The following RAB3GAP1 variants were observed in gnomAD, a reference collection of about 807,000 sequenced individuals.
RAB3GAP1 encodes rab3 GTPase-activating protein catalytic subunit.
A neutral mutation model predicts 130.7 loss-of-function variants in RAB3GAP1; 86 were observed. The ratio of observed to expected loss-of-function variants is 0.66; its 90% CI spans 0.55 to 0.79. The LOEUF (loss-of-function observed/expected upper bound fraction) is 0.79. Among genes scored for constraint, RAB3GAP1 ranks in the 30% least tolerant of loss-of-function variants. The pLI, the probability that RAB3GAP1 is intolerant of heterozygous loss-of-function variation, is 0.00. For synonymous variants in RAB3GAP1, 367 were observed against 401.7 expected (o/e 0.91, Z 1.03); for missense variants, 1,029 against 1,169.4 (o/e 0.88, Z 1.75).
intron 15 of RAB3GAP1, 92 bp from the exon 16 acceptor site, chr2:135,135,173 A>T: frequency 9.9e-7 from 1 of 1,005,286 alleles, no homozygotes; most frequent in Non-Finnish European, 1.6e-6. Context: ...TCTTATCAAT[A>T]TAGCTAAAAA....
rs191029443 is a variant in RAB3GAP1, at chr2:135,085,480, T to C, written c.151-5518T>C. Among the ~76,000 whole-genome samples the C allele has an allele frequency of 3.3e-5, 5 of 152,202 alleles. No individual in the cohort carries two copies. In the East Asian group the frequency reaches 9.6e-4, roughly 29 times the overall value. Reference sequence around the variant, plus strand: ...CTATTAAAACAGTCCAGGAAACATATTGTGAAGGGCTTAATTAAGGCAGTG... The same window carrying C: ...CTATTAAAACAGTCCAGGAAACATACTGTGAAGGGCTTAATTAAGGCAGTG... On this transcript the variant is annotated intron_variant, in intron 3 of 23. Transcript: ENST00000264158.
intron 5 of RAB3GAP1, among the ~76,000 whole-genome samples, chr2:135,107,715 C>A (rs968452844): frequency 6.6e-6 from 1 of 151,888 alleles, no homozygotes; most frequent in Non-Finnish European, 1.5e-5. Flanking sequence ...TGGCTGGGTG[C>A]GGTGGCTCAC....
At chr2:135,102,797 C>T (rs371951140) in intron 5 of RAB3GAP1, among the ~76,000 whole-genome samples, 1 of 151,878 alleles carries the variant, frequency 6.6e-6, no homozygotes, top group African/African-American at 2.4e-5. Flanking sequence ...GGGCGGATCA[C>T]GAGGTCAGGA....
At chr2:135,145,233 G>A (rs1305125890) in intron 17 of RAB3GAP1, among the ~76,000 whole-genome samples, 1 of 151,952 alleles carries the variant, frequency 6.6e-6, no homozygotes, top group African/African-American at 2.4e-5. Context: ...TATGAGTTAG[G>A]AACATTTCAA....
intron 5 of RAB3GAP1, among the ~76,000 whole-genome samples, chr2:135,106,889 G>C (rs1210027277): frequency 6.6e-6 from 1 of 151,336 alleles, no homozygotes; most frequent in African/African-American, 2.4e-5. Flanking sequence ...GGAAGTCTTA[G>C]TGAATCTTAA....
At chr2:135,132,728 A>G (rs1691582932) in intron 13 of RAB3GAP1, among the ~76,000 whole-genome samples, 167 bp from the exon 14 acceptor site, 1 of 152,224 alleles carries the variant, frequency 6.6e-6, no homozygotes, top group Admixed American at 6.5e-5. Flanking sequence ...AAAGAAAAAT[A>G]GAAAAAATTT....
At chr2:135,138,138 T>C (rs138027825) in intron 17 of RAB3GAP1, among the ~76,000 whole-genome samples, 1 of 152,038 alleles carries the variant, frequency 6.6e-6, no homozygotes, top group East Asian at 1.9e-4. Flanking sequence ...GAAAACATTC[T>C]ATTGTGAAAA....
chr2:135,151,939 A>G (rs1692188752), intron 18 of RAB3GAP1, among the ~76,000 whole-genome samples: 1 of 152,200 alleles, frequency 6.6e-6, no homozygotes, highest in Admixed American at 6.5e-5. Context: ...GTAAAGTTCT[A>G]TATAGTTCCT....
At chr2:135,107,726 G>A (rs1234775342) in intron 5 of RAB3GAP1, among the ~76,000 whole-genome samples, 2 of 151,980 alleles carry the variant, frequency 1.3e-5, no homozygotes, top group Non-Finnish European at 2.9e-5. Flanking sequence ...GGTGGCTCAC[G>A]CCTGTAATCC....
At chr2:135,054,979 C>T (rs887937713) in intron 2 of RAB3GAP1, among the ~76,000 whole-genome samples, 4 of 152,100 alleles carry the variant, frequency 2.6e-5, no homozygotes, top group African/African-American at 9.7e-5. Context: ...TATAGAAGCC[C>T]ATAACTCTTT....
intron 3 of RAB3GAP1, among the ~76,000 whole-genome samples, chr2:135,079,393 C>T (rs895326452): frequency 2.0e-5 from 3 of 152,198 alleles, no homozygotes; most frequent in Admixed American, 2.0e-4. Flanking sequence ...CAGATGAATT[C>T]TCCTGAACTA....
chr2:135,146,713 A>G (rs188124794), intron 17 of RAB3GAP1, among the ~76,000 whole-genome samples: 1 of 152,290 alleles, frequency 6.6e-6, no homozygotes, highest in East Asian at 1.9e-4. Context: ...TAATTTGCGC[A>G]TTCTAGAATT....
intron 17 of RAB3GAP1, among the ~76,000 whole-genome samples, chr2:135,144,242 G>A (rs1003135949): frequency 3.9e-5 from 6 of 152,220 alleles, no homozygotes; most frequent in African/African-American, 1.4e-4. Flanking sequence ...CAAAGGGTAA[G>A]GAAGGTGGAG....
intron 3 of RAB3GAP1, among the ~76,000 whole-genome samples, chr2:135,083,285 T>A (rs1275688043): frequency 1.3e-5 from 2 of 152,194 alleles, no homozygotes; most frequent in East Asian, 3.9e-4. Context: ...TTCATCGCAT[T>A]AAGTTTTTGT....
chr2:135,174,433 C>T (rs967936273), downstream of RAB3GAP1, among the ~76,000 whole-genome samples: 4 of 152,220 alleles, frequency 2.6e-5, no homozygotes, highest in African/African-American at 9.6e-5. Context: ...ATCCAGGAGT[C>T]TCCCAGCCTG....
At position 135,135,704 on chromosome 2, in the gene RAB3GAP1, T is replaced by C. The variant is rs769159764; in HGVS notation, c.1695T>C (p.Asp565=). 4 of 1,613,744 alleles carry C rather than the reference T, an allele frequency of 2.5e-6. No homozygotes were observed. In the Admixed American group the frequency reaches 6.7e-5, roughly 27 times the overall value. ...QLVPDNLKET[D]KEKGEVGKSW... ...TGCCAGATAATCTAAAAGAAACAGA[T>C]AAGGAAAAGGGAGAGGTAGGAAAAT... Residue 565 remains aspartate (D), a synonymous_variant, in exon 17 of 24, where the codon GAT becomes GAC. Transcript: ENST00000264158.
At chr2:135,057,971 G>T in intron 2 of RAB3GAP1, 40 bp from the exon 3 acceptor site, 3 of 1,340,572 alleles carry the variant, frequency 2.2e-6, no homozygotes, top group Non-Finnish European at 3.2e-6. Flanking sequence ...AGGAAAAAAG[G>T]TGTGCTGTTG....
intron 23 of RAB3GAP1, among the ~76,000 whole-genome samples, chr2:135,167,452 A>G (rs1485876381): frequency 6.6e-6 from 1 of 151,636 alleles, no homozygotes; most frequent in Non-Finnish European, 1.5e-5. Context: ...CCATTAAATG[A>G]CATCATATGT....
chr2:135,119,064 C>T (rs1462081750), intron 7 of RAB3GAP1, among the ~76,000 whole-genome samples: 1 of 147,910 alleles, frequency 6.8e-6, no homozygotes, highest in Non-Finnish European at 1.5e-5. Context: ...CTAATCCTTC[C>T]TTCCTTCCTC....
Sources: gnomAD v4.1 joint callset for allele counts (sites outside exome capture counted in the v4.1 genomes callset) on GRCh38, gnomAD v4.1.1 for gene constraint, MANE v1.5 for transcripts, NCBI Gene and HGNC (gene_info 2026-07-23, HGNC 2026-07-21) for gene names.